The following CCDC198 variants were observed in gnomAD, a reference collection of about 807,000 sequenced individuals.
CCDC198 encodes the protein coiled-coil domain containing 198, also known as factor associated with metabolism and energy.
Under a neutral mutation model 35.6 loss-of-function variants are expected in CCDC198, and 18 were observed. The ratio of observed to expected loss-of-function variants is 0.51; its 90% CI spans 0.35 to 0.75. The LOEUF (loss-of-function observed/expected upper bound fraction) is 0.75. Among genes scored for constraint, CCDC198 ranks in the 30% least tolerant of loss-of-function variants. CCDC198 has a pLI of 0.01. For missense variants in CCDC198, 365 were observed against 343.7 expected, an observed-to-expected ratio of 1.06 and a Z score of -0.49; for synonymous variants, 119 against 113.4, an observed-to-expected ratio of 1.05 and a Z score of -0.31.
chr14:57,478,978 C>T (rs1490035322), intron 5 of CCDC198: 8 of 1,288,978 alleles, frequency 6.2e-6, no homozygotes, highest in East Asian at 5.5e-5. Flanking sequence ...CACGGCACAG[C>T]GATCTGTGTG....
intron 5 of CCDC198, chr14:57,475,705 C>CT: frequency 2.8e-6 from 1 of 355,246 alleles, no homozygotes; most frequent in Admixed American, 3.8e-5. Flanking sequence ...GAAACTCTGT[C>CT]TTAAAAAAAA....
intron 1 of CCDC198, 34 bp downstream of exon 1, chr14:57,493,459 G>C: frequency 6.5e-7 from 1 of 1,545,118 alleles, no homozygotes; most frequent in Non-Finnish European, 8.9e-7. Context: ...CCTTGGTCCA[G>C]ATACACACAT....
At chr14:57,487,867 T>C (rs925479009) in intron 2 of CCDC198, among the ~76,000 whole-genome samples, 1 of 152,186 alleles carries the variant, frequency 6.6e-6, no homozygotes, top group African/African-American at 2.4e-5. Flanking sequence ...TGAGCTTCAT[T>C]TGTGAAGATA....
Position 57,483,269 on chromosome 14 carries a change from A to C in CCDC198, c.307-118T>G, listed in dbSNP as rs905176895. The stretch of plus-strand genomic sequence containing the variant: ...AAAAGCGGCACTTATTTCTGAGAGC[A>C]TACAGGAAAGGTGATTCTAACAGCA... On this transcript the variant is annotated intron_variant, in intron 2 of 5. Transcript: ENST00000216445. 4 of 1,469,488 alleles carry C rather than the reference A, an allele frequency of 2.7e-6. No individual in the cohort carries two copies. In the African/African-American group the frequency reaches 5.6e-5, roughly 20 times the overall value. The allele number at this position is 1,469,488 out of a possible 1,614,324, so 91.0% of individuals were successfully genotyped here. A position where few individuals can be genotyped will look rare whatever the true frequency, so the allele number is the denominator to read the frequency against.
intron 5 of CCDC198, chr14:57,478,971 G>A (rs1152525): frequency 0.98 from 1,266,042 of 1,289,032 alleles, 624,821 homozygotes; most frequent in East Asian, 1. Flanking sequence ...TTTGGCCCAC[G>A]GCACAGCGAT....
At chr14:57,483,630 A>G (rs2067260595) in intron 2 of CCDC198, among the ~76,000 whole-genome samples, 1 of 152,240 alleles carries the variant, frequency 6.6e-6, no homozygotes, top group Admixed American at 6.5e-5. Flanking sequence ...CACATTTAAA[A>G]TGAAACTGCA....
intron 5 of CCDC198, chr14:57,478,595 T>G: frequency 2.0e-6 from 2 of 986,872 alleles, no homozygotes; most frequent in Non-Finnish European, 1.2e-6. Context: ...CCAATGCTGG[T>G]TTTTCTTGGC....
intron 5 of CCDC198, among the ~76,000 whole-genome samples, chr14:57,476,883 G>A (rs781701993): frequency 2.6e-5 from 4 of 152,232 alleles, no homozygotes; most frequent in Non-Finnish European, 5.9e-5. Context: ...TTTAGAAGGC[G>A]TGGAAAGAAA....
At chr14:57,478,783 C>T (rs2067086328) in intron 5 of CCDC198, 2 of 1,095,404 alleles carry the variant, frequency 1.8e-6, no homozygotes, top group African/African-American at 3.2e-5. Context: ...AGTAGATTTT[C>T]AATTATTCAG....
chr14:57,478,685 G>A (rs2067083470), intron 5 of CCDC198: 1 of 1,001,084 alleles, frequency 1.0e-6, no homozygotes, highest in Admixed American at 5.6e-5. Context: ...ATTTTTTAAG[G>A]TACGGTTTAA....
intron 5 of CCDC198, 72 bp downstream of exon 5, chr14:57,480,523 C>G: frequency 6.5e-7 from 1 of 1,541,662 alleles, no homozygotes; most frequent in South Asian, 1.2e-5. Context: ...TCATGTCCCT[C>G]CCTTGGTAGT....
intron 2 of CCDC198, among the ~76,000 whole-genome samples, chr14:57,485,738 A>G (rs1337396367): frequency 1.3e-5 from 2 of 152,290 alleles, no homozygotes; most frequent in African/African-American, 2.4e-5. Context: ...GGAAGAGAAG[A>G]AGGGCAAAGG....
At chr14:57,480,538 T>A (rs1335340798) in intron 5 of CCDC198, 57 bp downstream of exon 5, 6 of 1,579,678 alleles carry the variant, frequency 3.8e-6, no homozygotes, top group Non-Finnish European at 5.2e-6. Context: ...GGTAGTTTAT[T>A]TGATGAAGTT....
intron 2 of CCDC198, among the ~76,000 whole-genome samples, chr14:57,489,131 C>A (rs1360469135): frequency 6.6e-6 from 1 of 152,114 alleles, no homozygotes; most frequent in Admixed American, 6.5e-5. Context: ...CCTACATGCC[C>A]ACCAGTGATA....
At chr14:57,491,184 T>C (rs1394990249) in intron 1 of CCDC198, 113 bp from the exon 2 acceptor site, 7 of 1,040,228 alleles carry the variant, frequency 6.7e-6, no homozygotes, top group East Asian at 2.6e-5. Context: ...TTTTCAGTTA[T>C]ATATGTCTAA....
At chr14:57,475,348 A>T in intron 5 of CCDC198, 1 of 978,884 alleles carries the variant, frequency 1.0e-6, no homozygotes, top group Non-Finnish European at 1.2e-6. Flanking sequence ...GAAAGAGTGC[A>T]GGTGGCCAGA....
At chr14:57,476,642 G>A (rs142609358) in intron 5 of CCDC198, among the ~76,000 whole-genome samples, 1 of 152,186 alleles carries the variant, frequency 6.6e-6, no homozygotes, top group Non-Finnish European at 1.5e-5. Flanking sequence ...TAAAGATGCA[G>A]TAGAAAGCAG....
In CCDC198 at chr14:57,471,042, A is replaced by G. The variant is rs2066804306; in HGVS notation, c.*313T>C. ...ACTCCAGTCTTAGTAGTCCAAATGT[A>G]GTCCAATTTCAATGACATGAAAGAT... On this transcript the variant is annotated 3_prime_UTR_variant, in exon 6 of 6. Transcript: ENST00000216445. 1.1e-5 allele frequency: 3 copies of G among 265,346 alleles called. No individual in the cohort carries two copies. The highest frequency in any genetic ancestry group is 2.2e-5 in the Non-Finnish European group (3 of 138,368). 16.4% of individuals were successfully genotyped at this position (265,346 alleles called of 1,614,324 possible).
chr14:57,484,523 G>T (rs1044964929), intron 2 of CCDC198, among the ~76,000 whole-genome samples: 2 of 152,206 alleles, frequency 1.3e-5, no homozygotes, highest in Non-Finnish European at 2.9e-5. Flanking sequence ...GAAAGGGCTA[G>T]GGAGGCAGTT....
Sources: allele counts gnomAD v4.1 joint callset (sites outside exome capture counted in the v4.1 genomes callset), GRCh38; gene constraint gnomAD v4.1.1; transcripts MANE v1.5; gene names NCBI Gene and HGNC (gene_info 2026-07-23, HGNC 2026-07-21).